The following GPR55 variants were observed in gnomAD, a reference collection of about 807,000 sequenced individuals.
The protein encoded by GPR55 is G-protein coupled receptor 55.
A neutral mutation model predicts 7.9 loss-of-function variants in GPR55; 6 were observed. That is an observed-to-expected ratio of 0.76 (90% CI 0.41 to 1.49). The LOEUF is 1.49. Among genes scored for constraint, GPR55 ranks in the 40% most tolerant of loss-of-function variants. GPR55 has a pLI of 0.01. For missense variants in GPR55, 376 were observed against 406.0 expected (o/e 0.93, Z 0.63); for synonymous variants, 183 against 166.8 (o/e 1.10, Z -0.75).
At chr2:230,921,053 T>C (rs1315161130) in intron 1 of GPR55, among the ~76,000 whole-genome samples, 1 of 152,194 alleles carries the variant, frequency 6.6e-6, no homozygotes, top group Non-Finnish European at 1.5e-5. Context: ...CAAAGTAATT[T>C]TTTTTTTAGT....
In GPR55 at chr2:230,909,973, C is replaced by A; in HGVS notation, c.*30G>T. 1 of 1,589,118 alleles carries A rather than the reference C, an allele frequency of 6.3e-7. No individual in the cohort carries two copies. The highest frequency in any genetic ancestry group is 8.6e-7 in the Non-Finnish European group (1 of 1,166,696). On this transcript the variant is annotated 3_prime_UTR_variant, in exon 2 of 2. Transcript: ENST00000650999. ...CCGTTACCAGAATTCAGGGCCAGGG[C>A]TTTCTTCCCCTGAACAGGATGTCCT...
chr2:230,953,452 G>A (rs1691435255), intron 1 of GPR55, among the ~76,000 whole-genome samples: 1 of 152,174 alleles, frequency 6.6e-6, no homozygotes, highest in Non-Finnish European at 1.5e-5. Flanking sequence ...GGGGCCATGA[G>A]CCAAGGGCTG....
chr2:230,947,357 T>C (rs1445967186), intron 1 of GPR55, among the ~76,000 whole-genome samples: 2 of 152,144 alleles, frequency 1.3e-5, no homozygotes, highest in African/African-American at 2.4e-5. Flanking sequence ...AAGAGCACGA[T>C]GAAAGAGCAC....
upstream of GPR55, among the ~76,000 whole-genome samples, chr2:230,926,459 G>C (rs1368993039): frequency 6.6e-6 from 1 of 152,126 alleles, no homozygotes; most frequent in African/African-American, 2.4e-5. Flanking sequence ...TACTGGGCAA[G>C]GGGGGGCAGC....
chr2:230,950,834 T>G (rs943122921), intron 1 of GPR55, among the ~76,000 whole-genome samples: 1 of 151,922 alleles, frequency 6.6e-6, no homozygotes, highest in Non-Finnish European at 1.5e-5. Context: ...TGATTGTGGG[T>G]CTTAAGACTC....
intron 1 of GPR55, among the ~76,000 whole-genome samples, chr2:230,940,658 C>T (rs1691211397): frequency 6.6e-6 from 1 of 152,212 alleles, no homozygotes; most frequent in Non-Finnish European, 1.5e-5. Context: ...ACCTGCCTCC[C>T]TGGGGGCCCA....
intron 1 of GPR55, among the ~76,000 whole-genome samples, chr2:230,943,537 C>A (rs1011381803): frequency 3.9e-5 from 6 of 152,220 alleles, no homozygotes; most frequent in African/African-American, 1.4e-4. Flanking sequence ...CAGAGTAGGT[C>A]ACGGAGCAAG....
chr2:230,945,978 C>CCT (rs1691306719), intron 1 of GPR55, among the ~76,000 whole-genome samples: 1 of 152,098 alleles, frequency 6.6e-6, no homozygotes, highest in Admixed American at 6.5e-5. Context: ...CCTAAGTGTC[C>CCT]ATCAGTGGAT....
At chr2:230,934,960 G>A (rs1261904005) in intron 1 of GPR55, among the ~76,000 whole-genome samples, 7 of 151,958 alleles carry the variant, frequency 4.6e-5, no homozygotes, top group African/African-American at 1.5e-4. Context: ...CTGCGCCCAG[G>A]GTGCCCAGAG....
At chr2:230,951,593 C>T (rs941899672) in intron 1 of GPR55, among the ~76,000 whole-genome samples, 7 of 152,140 alleles carry the variant, frequency 4.6e-5, no homozygotes, top group African/African-American at 1.4e-4. Flanking sequence ...TAAAAATAGC[C>T]TACCCTTTGA....
At chr2:230,946,383 C>CA (rs1302581681) in intron 1 of GPR55, among the ~76,000 whole-genome samples, 1 of 152,126 alleles carries the variant, frequency 6.6e-6, no homozygotes, top group Non-Finnish European at 1.5e-5. Context: ...CACACACACA[C>CA]AAAAAAGATA....
intron 1 of GPR55, among the ~76,000 whole-genome samples, chr2:230,954,117 C>T (rs569237053): frequency 2.0e-5 from 3 of 152,356 alleles, no homozygotes; most frequent in Non-Finnish European, 2.9e-5. Flanking sequence ...GAGCAAGTTC[C>T]GAGATGCAAA....
intron 1 of GPR55, among the ~76,000 whole-genome samples, chr2:230,940,752 C>T (rs1403447061): frequency 6.6e-6 from 1 of 152,228 alleles, no homozygotes; most frequent in African/African-American, 2.4e-5. Context: ...CCAGTCCAGG[C>T]TTTCCTTGCC....
Position 230,923,399 on chromosome 2 carries a change from G to GTATCCC in GPR55, c.-135+1768_-135+1769insGGGATA, listed in dbSNP as rs1457123999. ...GCACAGCCGCAGGGATGGATTTGAG[G>GTATCCC]AGCCCTGGAATACTCCCCCAAAAAT... On this transcript the variant is annotated intron_variant, in intron 1 of 1. Coordinates refer to ENST00000650999, the MANE Select transcript of GPR55 (RefSeq NM_005683.4). This position sits in a 1 kb window ranked among gnomAD's most constrained non-coding sequence, Gnocchi z 4.1. 1.3e-5 allele frequency among the ~76,000 whole-genome samples: 2 copies of GTATCCC among 152,222 alleles called. No homozygotes were observed. Among genetic ancestry groups the GTATCCC allele is most frequent in the Non-Finnish European group, 2.9e-5 (2 of 68,034 alleles).
chr2:230,937,338 G>C (rs1231016523), intron 1 of GPR55, among the ~76,000 whole-genome samples: 1 of 151,530 alleles, frequency 6.6e-6, no homozygotes, highest in Non-Finnish European at 1.5e-5. Flanking sequence ...CCAGGAGTTA[G>C]AGGCTCCCGT....
At chr2:230,959,249 C>A (rs572878828) in intron 1 of GPR55, among the ~76,000 whole-genome samples, 1 of 152,240 alleles carries the variant, frequency 6.6e-6, no homozygotes, top group South Asian at 2.1e-4. Context: ...AGTTGGAGAC[C>A]AGCCTGGGCA....
At chr2:230,957,298 C>T (rs1691506198) in intron 1 of GPR55, among the ~76,000 whole-genome samples, 1 of 152,192 alleles carries the variant, frequency 6.6e-6, no homozygotes, top group African/African-American at 2.4e-5. Context: ...TACGCTTGTG[C>T]TTTGGGGACA....
At chr2:230,941,693 G>C (rs111472922) in intron 1 of GPR55, among the ~76,000 whole-genome samples, 1 of 152,076 alleles carries the variant, frequency 6.6e-6, no homozygotes, top group African/African-American at 2.4e-5. Flanking sequence ...CTGTCCTTCA[G>C]GTCTCAGGTT....
upstream of GPR55, among the ~76,000 whole-genome samples, chr2:230,930,164 G>C (rs1375447236): frequency 6.6e-6 from 1 of 152,240 alleles, no homozygotes; most frequent in African/African-American, 2.4e-5. Flanking sequence ...AGGCCACCAG[G>C]TCACAGCTAC....
Sources: gnomAD v4.1 joint callset for allele counts (sites outside exome capture counted in the v4.1 genomes callset) on GRCh38, gnomAD v4.1.1 for gene constraint, Gnocchi (gnomAD v3.1) non-coding constraint, MANE v1.5 for transcripts, NCBI Gene and HGNC (gene_info 2026-07-23, HGNC 2026-07-21) for gene names.